The following MAP4K4 variants were observed in gnomAD, a reference collection of about 807,000 sequenced individuals.
MAP4K4 encodes mitogen-activated protein kinase kinase kinase kinase 4, also known as HPK/GCK-like kinase HGK.
MAP4K4 carries 38 observed loss-of-function variants against 189.6 expected under a neutral mutation model. That is an observed-to-expected ratio of 0.20 (90% CI 0.15 to 0.26). MAP4K4 has a LOEUF of 0.26. Ranked by LOEUF, MAP4K4 falls within the 10% of genes least tolerant of loss-of-function variation. MAP4K4 has a pLI of 1.00. For synonymous variants in MAP4K4, 610 were observed against 624.3 expected (o/e 0.98, Z 0.34); for missense variants, 1,054 against 1,726.9 (o/e 0.61, Z 6.91).
intron 2 of MAP4K4, among the ~76,000 whole-genome samples, chr2:101,784,122 C>A (rs1057087283): frequency 2.6e-5 from 4 of 152,188 alleles, no homozygotes; most frequent in African/African-American, 9.7e-5. Flanking sequence ...ATGGTGGGTC[C>A]ACCTCACTAG....
At chr2:101,833,512 C>G (rs2096650187) in intron 7 of MAP4K4, among the ~76,000 whole-genome samples, 1 of 151,118 alleles carries the variant, frequency 6.6e-6, no homozygotes, top group Non-Finnish European at 1.5e-5. Context: ...CCCAGCTACT[C>G]AGGAGGCTGA....
chr2:101,713,733 A>G (rs898620129), intron 2 of MAP4K4, among the ~76,000 whole-genome samples: 6 of 151,156 alleles, frequency 4.0e-5, no homozygotes, highest in Non-Finnish European at 7.4e-5. Context: ...CGTCTCTACT[A>G]AAAATACAAA....
At chr2:101,716,845 A>G (rs776142706) in intron 2 of MAP4K4, among the ~76,000 whole-genome samples, 3 of 152,224 alleles carry the variant, frequency 2.0e-5, no homozygotes, top group East Asian at 3.9e-4. Context: ...TTTGTTTCCC[A>G]TATCTCAGTT....
chr2:101,850,657 C>T (rs2097256120), intron 12 of MAP4K4, among the ~76,000 whole-genome samples: 2 of 152,202 alleles, frequency 1.3e-5, no homozygotes, highest in Non-Finnish European at 1.5e-5. Context: ...TGCCAGTGCC[C>T]CTACAGCTAA....
At chr2:101,894,456 T>C (rs1315312580) in exon 33 of MAP4K4, 1 of 152,810 alleles carries the variant, frequency 6.5e-6, no homozygotes, top group Non-Finnish European at 1.5e-5. Context: ...ATGGGTTATT[T>C]AGGTTTTCGT....
At chr2:101,847,248 A>G (rs941068823) in intron 12 of MAP4K4, among the ~76,000 whole-genome samples, 2 of 152,232 alleles carry the variant, frequency 1.3e-5, no homozygotes, top group African/African-American at 2.4e-5. Flanking sequence ...AGCACATACA[A>G]TTATATACAG....
intron 2 of MAP4K4, among the ~76,000 whole-genome samples, chr2:101,790,421 T>A (rs1382779119): frequency 2.6e-5 from 4 of 152,152 alleles, no homozygotes; most frequent in Non-Finnish European, 5.9e-5. Context: ...AGTTAAATCC[T>A]TAGAGAAAAA....
intron 3 of MAP4K4, among the ~76,000 whole-genome samples, chr2:101,803,244 G>GTGTGTGTGT (rs1558993935): frequency 4.9e-5 from 2 of 41,020 alleles, no homozygotes; most frequent in African/African-American, 1.8e-4. Context: ...TGATGATGAT[G>GTGTGTGTGT]ATGTGTGTGT....
At chr2:101,698,651 T>A in intron 2 of MAP4K4, 113 bp downstream of exon 2, 3 of 947,086 alleles carry the variant, frequency 3.2e-6, no homozygotes, top group Non-Finnish European at 5.0e-6. Context: ...TTGGCCAAAG[T>A]TGGGAGAGGG....
At chr2:101,869,917 G>T in intron 22 of MAP4K4, 120 bp downstream of exon 22, 1 of 1,334,536 alleles carries the variant, frequency 7.5e-7, no homozygotes, top group Non-Finnish European at 1.0e-6. Context: ...TGTAGTTCTC[G>T]TGGATTCAGC....
chr2:101,879,198 A>G (rs1166557659), intron 27 of MAP4K4, among the ~76,000 whole-genome samples: 2 of 141,592 alleles, frequency 1.4e-5, no homozygotes, highest in Admixed American at 6.9e-5. Flanking sequence ...CTGTCTCCAA[A>G]AAAAAAAAAA....
chr2:101,713,553 G>A (rs963847155), intron 2 of MAP4K4, among the ~76,000 whole-genome samples: 24 of 146,622 alleles, frequency 1.6e-4, no homozygotes, highest in Admixed American at 1.0e-3. Context: ...CTGAGATCAC[G>A]CCACTGCACT....
At chr2:101,891,456 TAAATC>T in exon 33 of MAP4K4, 1 of 514,702 alleles carries the variant, frequency 1.9e-6, no homozygotes, top group Non-Finnish European at 3.5e-6. Context: ...TACTCCAAAA[TAAATC>T]AAGGCTGCAA....
intron 6 of MAP4K4, among the ~76,000 whole-genome samples, chr2:101,829,956 C>G (rs1576388066): frequency 6.6e-6 from 1 of 152,200 alleles, no homozygotes; most frequent in South Asian, 2.1e-4. Context: ...ACTTTTCCCT[C>G]CTCATTTTAT....
chr2:101,892,126 T>C (rs982468438), exon 33 of MAP4K4: 1 of 152,392 alleles, frequency 6.6e-6, no homozygotes, highest in East Asian at 1.9e-4. Context: ...TGTTTAAACC[T>C]AGACGTGCAA....
At chr2:101,833,120 A>T (rs776530402) in intron 7 of MAP4K4, among the ~76,000 whole-genome samples, 12 of 152,162 alleles carry the variant, frequency 7.9e-5, no homozygotes, top group Non-Finnish European at 1.0e-4. Context: ...GCTTAATGAA[A>T]ATAAGGGAGG....
chr2:101,725,387 C>CA (rs547130880), intron 2 of MAP4K4, among the ~76,000 whole-genome samples: 8,414 of 110,772 alleles, frequency 0.076, 327 homozygotes, highest in African/African-American at 0.12. Flanking sequence ...AAAAGATAAG[C>CA]AAAAAAAAAA....
intron 8 of MAP4K4, 95 bp from the exon 9 acceptor site, chr2:101,835,805 G>A: frequency 1.3e-6 from 1 of 789,872 alleles, no homozygotes; most frequent in Non-Finnish European, 2.2e-6. Flanking sequence ...GTCAGACGAT[G>A]GGCCAGAGCA....
At chr2:101,825,185 C>T (rs1427448671) in intron 4 of MAP4K4, 134 bp from the exon 5 acceptor site, 42 of 574,818 alleles carry the variant, frequency 7.3e-5, no homozygotes, top group Admixed American at 3.3e-5. Flanking sequence ...TATTTAGGTG[C>T]CTCCAAATTA....
Sources: gnomAD v4.1 joint callset for allele counts (sites outside exome capture counted in the v4.1 genomes callset) on GRCh38, gnomAD v4.1.1 for gene constraint, MANE v1.5 for transcripts, NCBI Gene and HGNC (gene_info 2026-07-23, HGNC 2026-07-21) for gene names.